CA10: variants seen among roughly 807,000 people sequenced by gnomAD.
CA10 encodes carbonic anhydrase-related protein 10.
CA10 carries 14 observed loss-of-function variants against 44.2 expected under a neutral mutation model. That is an observed-to-expected ratio of 0.32 (90% confidence interval 0.21 to 0.50). CA10 has a LOEUF of 0.50. Ranked by LOEUF, CA10 falls within the 20% of genes least tolerant of loss-of-function variation. The pLI, the probability that CA10 is intolerant of heterozygous loss-of-function variation, is 0.99. For synonymous variants in CA10, 159 were observed against 141.6 expected (o/e 1.12, Z -0.87); for missense variants, 350 against 409.7 (o/e 0.85, Z 1.26).
intron 4 of CA10, among the ~76,000 whole-genome samples, chr17:51,710,344 C>T (rs953339188): frequency 3.3e-5 from 5 of 152,088 alleles, no homozygotes; most frequent in Non-Finnish European, 7.4e-5. Context: ...GGCTGAGGGG[C>T]CATGTCTCAG....
At chr17:51,796,500 T>C (rs895146111) in intron 3 of CA10, among the ~76,000 whole-genome samples, 6 of 152,152 alleles carry the variant, frequency 3.9e-5, no homozygotes, top group Non-Finnish European at 7.4e-5. Flanking sequence ...AGGGAAGAGA[T>C]TGAGTCAACA....
intron 2 of CA10, among the ~76,000 whole-genome samples, chr17:51,983,041 G>A (rs1286919425): frequency 6.6e-6 from 1 of 151,700 alleles, no homozygotes; most frequent in Non-Finnish European, 1.5e-5. Flanking sequence ...TTTATCTCAA[G>A]CCTAATCTAC....
Position 51,954,390 on chromosome 17 carries a change from C to T in CA10, c.137-23258G>A, listed in dbSNP as rs750156909. On this transcript the variant is annotated intron_variant, in intron 2 of 8. Transcript: ENST00000451037. ...TCTAAGCATTTCCAAGCACTTGAGG[C>T]ATCCACTTCTTTGCACTCAGCAGAT... Among the ~76,000 whole-genome samples the T allele has an allele frequency of 3.0e-4, 46 of 152,164 alleles. 1 individual carries two copies. Among genetic ancestry groups the T allele is most frequent in the Non-Finnish European group, 2.5e-4 (17 of 68,034 alleles).
intron 3 of CA10, among the ~76,000 whole-genome samples, chr17:51,921,455 T>C (rs941636916): frequency 3.3e-5 from 5 of 152,232 alleles, no homozygotes; most frequent in African/African-American, 1.2e-4. Flanking sequence ...TCAGCTGTAA[T>C]GACTTCTTAA....
At chr17:52,000,506 T>C (rs1006205695) in intron 2 of CA10, among the ~76,000 whole-genome samples, 3 of 152,192 alleles carry the variant, frequency 2.0e-5, no homozygotes, top group African/African-American at 7.2e-5. Flanking sequence ...TTTACTTTTG[T>C]ATGTCTCTTT....
chr17:51,660,415 C>T (rs1407706907), intron 4 of CA10, among the ~76,000 whole-genome samples: 1 of 152,242 alleles, frequency 6.6e-6, no homozygotes, highest in Non-Finnish European at 1.5e-5. Context: ...AAGTACTCCT[C>T]TGTGTTAAAT....
intron 1 of CA10, among the ~76,000 whole-genome samples, chr17:52,077,068 GTTTA>G (rs955872839): frequency 6.6e-6 from 1 of 152,144 alleles, no homozygotes; most frequent in African/African-American, 2.4e-5. Flanking sequence ...TTTATTCTTG[GTTTA>G]TTTTTCACTG....
At chr17:51,859,891 A>G (rs969474136) in intron 3 of CA10, among the ~76,000 whole-genome samples, 1 of 152,184 alleles carries the variant, frequency 6.6e-6, no homozygotes, top group Admixed American at 6.5e-5. Context: ...CATGATACAC[A>G]TAAGAATAAA....
chr17:51,812,430 G>A (rs1907407291), intron 3 of CA10, among the ~76,000 whole-genome samples: 3 of 152,058 alleles, frequency 2.0e-5, no homozygotes, highest in African/African-American at 7.2e-5. Context: ...ATTCACCATA[G>A]TGAAAATATT....
chr17:51,878,108 C>A (rs1980163062), intron 3 of CA10, among the ~76,000 whole-genome samples: 1 of 130,160 alleles, frequency 7.7e-6, no homozygotes, highest in African/African-American at 3.0e-5. Flanking sequence ...CGCACCACTG[C>A]ACTCCAGCCT....
intron 3 of CA10, among the ~76,000 whole-genome samples, chr17:51,888,752 A>G (rs1231482675): frequency 6.6e-6 from 1 of 152,226 alleles, no homozygotes; most frequent in Non-Finnish European, 1.5e-5. Context: ...ACTGGAGAGA[A>G]AAATAATCTT....
At chr17:52,002,560 T>C (rs1264539791) in intron 2 of CA10, among the ~76,000 whole-genome samples, 1 of 152,036 alleles carries the variant, frequency 6.6e-6, no homozygotes, top group Non-Finnish European at 1.5e-5. Context: ...TTTAAATGGA[T>C]GCCTGCACAA....
rs1363911235 is a variant in CA10 at position 51,636,091 on chromosome 17, TATAC to T, written c.635-86_635-83del. 4,784 of 545,932 alleles carry T rather than the reference TATAC, an allele frequency of 8.8e-3. 69 individuals carry two copies. Among genetic ancestry groups the T allele is most frequent in the South Asian group, 0.07 (1,546 of 22,048 alleles). 33.8% of individuals were successfully genotyped at this position (545,932 alleles called of 1,614,324 possible). ...TGACATACATACATACATACATACA[TATAC>T]ATATACATATACATACATATATACA... is the stretch of plus-strand genomic sequence containing the variant. On this transcript the variant is annotated intron_variant, in intron 6 of 8. Coordinates refer to ENST00000451037, the MANE Select transcript of CA10 (RefSeq NM_020178.5).
chr17:51,969,112 T>C (rs1296641003), intron 2 of CA10, among the ~76,000 whole-genome samples: 3 of 151,974 alleles, frequency 2.0e-5, no homozygotes, highest in Admixed American at 6.6e-5. Context: ...GTTCCAAATA[T>C]CATGTAAAAT....
intron 4 of CA10, among the ~76,000 whole-genome samples, chr17:51,669,234 T>G (rs1468056817): frequency 6.6e-6 from 1 of 152,138 alleles, no homozygotes; most frequent in African/African-American, 2.4e-5. Flanking sequence ...AGAACTTTTA[T>G]GTCTAGCTGG....
intron 3 of CA10, among the ~76,000 whole-genome samples, chr17:51,783,692 G>A (rs74988475): frequency 1.7e-3 from 255 of 152,354 alleles, no homozygotes; most frequent in Middle Eastern, 3.4e-3. Context: ...GGTCTGGTTG[G>A]TTTAAAGGGG....
At chr17:51,865,646 T>C (rs370139886) in intron 3 of CA10, among the ~76,000 whole-genome samples, 10 of 152,190 alleles carry the variant, frequency 6.6e-5, no homozygotes, top group Admixed American at 3.9e-4. Context: ...CCCTGTGAGA[T>C]AGAAGTTATT....
intron 6 of CA10, among the ~76,000 whole-genome samples, chr17:51,647,480 T>C (rs986964204): frequency 2.6e-5 from 4 of 151,748 alleles, no homozygotes; most frequent in African/African-American, 9.7e-5. Context: ...CTCCCCTTCC[T>C]CTCCCTCCCC....
intron 1 of CA10, among the ~76,000 whole-genome samples, chr17:52,116,090 C>CA (rs71149393): frequency 8.0e-4 from 109 of 136,728 alleles, no homozygotes; most frequent in Non-Finnish European, 1.1e-3. Flanking sequence ...GACTCTGTCT[C>CA]AAAAAAAAAA....
Sources: gnomAD v4.1 joint callset for allele counts (sites outside exome capture counted in the v4.1 genomes callset) on GRCh38, gnomAD v4.1.1 for gene constraint, MANE v1.5 for transcripts, NCBI Gene and HGNC (gene_info 2026-07-23, HGNC 2026-07-21) for gene names.